The following LHFPL3 variants were observed in gnomAD, a reference collection of about 807,000 sequenced individuals.
LHFPL3 encodes the protein LHFPL tetraspan subfamily member 3 protein.
In LHFPL3, 5 loss-of-function variants were observed where a neutral mutation model predicts 19.3. The ratio of observed to expected loss-of-function variants is 0.26; its 90% confidence interval spans 0.14 to 0.54. LHFPL3 has a LOEUF of 0.54. LHFPL3 is among the 20% of genes least tolerant of loss of function. The pLI is 0.94. For missense variants in LHFPL3, 249 were observed against 307.4 expected (o/e 0.81, Z 1.42); for synonymous variants, 133 against 126.2 (o/e 1.05, Z -0.36).
intron 1 of LHFPL3, among the ~76,000 whole-genome samples, chr7:104,494,967 A>T (rs1325051922): frequency 4.6e-5 from 7 of 152,230 alleles, no homozygotes; most frequent in African/African-American, 1.7e-4. Context: ...TGAACACAAC[A>T]CACCAGTTTC....
chr7:104,337,870 T>A (rs1789859677), intron 1 of LHFPL3, among the ~76,000 whole-genome samples: 1 of 152,190 alleles, frequency 6.6e-6, no homozygotes, highest in African/African-American at 2.4e-5. Context: ...TTTAACCAGT[T>A]GACTGGACAA....
chr7:104,554,205 AT>A (rs1273040530), intron 1 of LHFPL3, among the ~76,000 whole-genome samples: 4 of 151,600 alleles, frequency 2.6e-5, no homozygotes, highest in Non-Finnish European at 4.4e-5. Context: ...TTTTTTGTGG[AT>A]TTGTTTGTTG....
chr7:104,441,586 A>AT (rs891247765), intron 1 of LHFPL3, among the ~76,000 whole-genome samples: 6 of 151,616 alleles, frequency 4.0e-5, no homozygotes, highest in South Asian at 2.1e-4. Flanking sequence ...TTATTTATTT[A>AT]TTTTTTTTGA....
intron 1 of LHFPL3, among the ~76,000 whole-genome samples, chr7:104,409,787 T>G (rs1791498268): frequency 6.6e-6 from 1 of 152,128 alleles, no homozygotes; most frequent in South Asian, 2.1e-4. Context: ...CGAACATAAA[T>G]CTTTGCTTGT....
chr7:104,655,435 A>G (rs550564159), intron 1 of LHFPL3, among the ~76,000 whole-genome samples: 1 of 152,334 alleles, frequency 6.6e-6, no homozygotes, highest in East Asian at 1.9e-4. Context: ...TAGTAAATAA[A>G]TATTTTGGCA....
At chr7:104,418,621 G>A (rs1002182009) in intron 1 of LHFPL3, among the ~76,000 whole-genome samples, 43 of 152,202 alleles carry the variant, frequency 2.8e-4, no homozygotes, top group African/African-American at 1.0e-3. Flanking sequence ...GTGATACAGT[G>A]TGGTAAGTTT....
chr7:104,719,226 A>T (rs775124589), intron 1 of LHFPL3, among the ~76,000 whole-genome samples: 28 of 152,238 alleles, frequency 1.8e-4, no homozygotes, highest in Non-Finnish European at 1.9e-4. Flanking sequence ...AGAAATTATT[A>T]TACATACAAG....
intron 1 of LHFPL3, among the ~76,000 whole-genome samples, chr7:104,540,451 A>T (rs960442521): frequency 1.3e-5 from 2 of 152,164 alleles, no homozygotes; most frequent in African/African-American, 4.8e-5. Context: ...CCATCCTATA[A>T]TGCACAGGAC....
At chr7:104,423,729 T>C (rs895751464) in intron 1 of LHFPL3, among the ~76,000 whole-genome samples, 2 of 149,236 alleles carry the variant, frequency 1.3e-5, no homozygotes, top group African/African-American at 5.0e-5. Context: ...TACAGGATGT[T>C]TGAGTTAAAA....
At chr7:104,610,700 G>C (rs900038931) in intron 1 of LHFPL3, among the ~76,000 whole-genome samples, 1 of 152,164 alleles carries the variant, frequency 6.6e-6, no homozygotes, top group African/African-American at 2.4e-5. Context: ...TAGATTTGGT[G>C]AGGTCCACCC....
At chr7:104,385,831 A>G (rs1176700678) in intron 1 of LHFPL3, among the ~76,000 whole-genome samples, 1 of 152,190 alleles carries the variant, frequency 6.6e-6, no homozygotes, top group African/African-American at 2.4e-5. Flanking sequence ...ATATGGAAGT[A>G]TGTTTTTAAA....
intron 2 of LHFPL3, among the ~76,000 whole-genome samples, chr7:104,821,539 T>G (rs1332786561): frequency 6.6e-6 from 1 of 152,194 alleles, no homozygotes; most frequent in East Asian, 1.9e-4. Flanking sequence ...GAGAGCCAAA[T>G]CTTTGAGTTC....
chr7:104,434,020 T>C (rs1183757486), intron 1 of LHFPL3, among the ~76,000 whole-genome samples: 2 of 152,256 alleles, frequency 1.3e-5, no homozygotes, highest in Admixed American at 1.3e-4. Flanking sequence ...CATTTTTCTT[T>C]TAAATGCTAA....
intron 1 of LHFPL3, among the ~76,000 whole-genome samples, chr7:104,684,312 G>C (rs1401734217): frequency 6.6e-6 from 1 of 152,178 alleles, no homozygotes; most frequent in Non-Finnish European, 1.5e-5. Flanking sequence ...TGTCATCTGA[G>C]CCTTCTCCAA....
At chr7:104,824,740 G>T (rs1408543562) in intron 2 of LHFPL3, among the ~76,000 whole-genome samples, 2 of 79,406 alleles carry the variant, frequency 2.5e-5, no homozygotes, top group African/African-American at 9.4e-5. Flanking sequence ...TGAAACAGAA[G>T]TCTTACTCAT....
At chr7:104,886,493 T>G (rs759929230) in intron 2 of LHFPL3, among the ~76,000 whole-genome samples, 8 of 151,976 alleles carry the variant, frequency 5.3e-5, no homozygotes, top group Non-Finnish European at 1.2e-4. Context: ...GCCTCCCGAG[T>G]AGTTGGGATT....
At chr7:104,493,934 C>A (rs1793407990) in intron 1 of LHFPL3, among the ~76,000 whole-genome samples, 1 of 152,050 alleles carries the variant, frequency 6.6e-6, no homozygotes, top group Non-Finnish European at 1.5e-5. Context: ...AAAAACACAC[C>A]AGATACAGAA....
At chr7:104,827,282 G>T (rs943081579) in intron 2 of LHFPL3, among the ~76,000 whole-genome samples, 1 of 151,986 alleles carries the variant, frequency 6.6e-6, no homozygotes, top group Non-Finnish European at 1.5e-5. Flanking sequence ...ATAAACCCTG[G>T]TCTTGCAAAG....
At chr7:104,453,842 T>G (rs965290292) in intron 1 of LHFPL3, among the ~76,000 whole-genome samples, 2 of 152,102 alleles carry the variant, frequency 1.3e-5, no homozygotes, top group East Asian at 3.9e-4. Flanking sequence ...TTGCTCCTGC[T>G]TCAGCCACGT....
Sources: allele counts gnomAD v4.1 joint callset (sites outside exome capture counted in the v4.1 genomes callset), GRCh38; gene constraint gnomAD v4.1.1; transcripts MANE v1.5; gene names NCBI Gene and HGNC (gene_info 2026-07-23, HGNC 2026-07-21).